Variants in PHC3 observed in about 807,000 individuals in gnomAD.
The protein encoded by PHC3 is polyhomeotic-like protein 3.
PHC3 carries 13 observed loss-of-function variants against 107.4 expected under a neutral mutation model. The observed-to-expected ratio is 0.12, with a 90% CI of 0.08 to 0.19. The LOEUF is 0.19. Among genes scored for constraint, PHC3 ranks in the 10% least tolerant of loss-of-function variants. The pLI is 1.00. For synonymous variants in PHC3, 456 were observed against 427.4 expected, an observed-to-expected ratio of 1.07 and a Z score of -0.83; for missense variants, 992 against 1,210.9, an observed-to-expected ratio of 0.82 and a Z score of 2.68.
intron 10 of PHC3, among the ~76,000 whole-genome samples, chr3:170,115,969 A>C (rs995234947): frequency 4.6e-5 from 7 of 152,106 alleles, no homozygotes; most frequent in Non-Finnish European, 7.4e-5. Context: ...TTCACCCATG[A>C]ATCTGAAAAT....
intron 6 of PHC3, among the ~76,000 whole-genome samples, chr3:170,144,395 G>C (rs915401718): frequency 2.0e-5 from 3 of 150,952 alleles, no homozygotes; most frequent in African/African-American, 7.3e-5. Flanking sequence ...AGCAGCTAAA[G>C]GACATTTGGT....
intron 11 of PHC3, among the ~76,000 whole-genome samples, chr3:170,107,283 C>T (rs1479662418): frequency 2.6e-4 from 39 of 152,070 alleles, no homozygotes; most frequent in Admixed American, 2.6e-3. Flanking sequence ...CATTATCCTC[C>T]AGGAGGAACA....
At position 170,111,368 on chromosome 3, in the gene PHC3, AAAAG is replaced by A. The variant is rs201143465; in HGVS notation, c.2353+1988_2353+1991del. ...AACGGAAAGGAAAGGGAAGGAAGGA[AAAAG>A]AAAGAAAGAGAGAGAAAGAAAGAGG... On this transcript the variant is annotated intron_variant, in intron 11 of 14. Coordinates refer to ENST00000495893, the MANE Select transcript of PHC3 (RefSeq NM_024947.4). 9.0e-3 allele frequency among the ~76,000 whole-genome samples: 1,338 copies of A among 149,072 alleles called. 30 individuals carry two copies. Among genetic ancestry groups the A allele is most frequent in the African/African-American group, 0.031 (1,231 of 40,098 alleles).
chr3:170,117,054 A>G (rs1303806714), intron 10 of PHC3, 172 bp downstream of exon 10: 2 of 848,106 alleles, frequency 2.4e-6, no homozygotes, highest in African/African-American at 3.4e-5. Context: ...CTGGCATAAA[A>G]TTCTACATAA....
chr3:170,136,575 A>G lies in PHC3; in HGVS notation c.763T>C (p.Leu255=), dbSNP rs757466906. 80 of 1,613,570 alleles carry G rather than the reference A, an allele frequency of 5.0e-5. 1 individual carries two copies. The highest frequency in any genetic ancestry group is 3.3e-4 in the Middle Eastern group (2 of 6,084). ...GTTGTTTTGTTATGACAAATTGTCA[A>G]TGACTGAGTTTGACTAGTGCTTTTT... ...PPKSTSQTQS[L]TICHNKTTVT... Residue 255 remains leucine, a synonymous_variant, in exon 7 of 15, where the codon TTG becomes CTG. Coordinates refer to ENST00000495893, the MANE Select transcript of PHC3 (RefSeq NM_024947.4).
intron 2 of PHC3, among the ~76,000 whole-genome samples, chr3:170,173,982 C>A (rs1730014450): frequency 6.6e-6 from 1 of 152,160 alleles, no homozygotes; most frequent in South Asian, 2.1e-4. Flanking sequence ...CACCTGAGGT[C>A]AGGAGTTCAA....
At chr3:170,148,819 A>G in intron 5 of PHC3, 1 of 266,334 alleles carries the variant, frequency 3.8e-6, no homozygotes, top group South Asian at 1.3e-4. Flanking sequence ...AATGAATTTG[A>G]TATTAAAAAA....
chr3:170,116,553 C>T (rs558217034), intron 10 of PHC3, among the ~76,000 whole-genome samples: 87 of 151,796 alleles, frequency 5.7e-4, no homozygotes, highest in Non-Finnish European at 1.0e-3. Context: ...GGTGACAGAG[C>T]GAGACTCTCT....
At chr3:170,112,892 T>G (rs1718110820) in intron 11 of PHC3, among the ~76,000 whole-genome samples, 1 of 152,194 alleles carries the variant, frequency 6.6e-6, no homozygotes, top group African/African-American at 2.4e-5. Context: ...TGTAACCACC[T>G]CTTGAATGAA....
At chr3:170,107,007 T>G in intron 11 of PHC3, 61 bp from the exon 12 acceptor site, 4 of 1,247,762 alleles carry the variant, frequency 3.2e-6, no homozygotes, top group Non-Finnish European at 4.5e-6. Context: ...CAAATTTTCT[T>G]TAAGTCTATA....
intron 10 of PHC3, 142 bp downstream of exon 10, chr3:170,117,084 G>T (rs1719154349): frequency 9.6e-7 from 1 of 1,041,552 alleles, no homozygotes; most frequent in East Asian, 2.6e-5. Context: ...AATAAAGGAA[G>T]TAGAAAGATA....
chr3:170,120,319 C>A (rs1233776766), intron 9 of PHC3, among the ~76,000 whole-genome samples: 1 of 152,158 alleles, frequency 6.6e-6, no homozygotes, highest in African/African-American at 2.4e-5. Flanking sequence ...GGCGCAGTGG[C>A]TCATGTCTGT....
At chr3:170,127,092 T>C (rs985366791) in intron 8 of PHC3, among the ~76,000 whole-genome samples, 7 of 148,506 alleles carry the variant, frequency 4.7e-5, no homozygotes, top group South Asian at 2.1e-4. Flanking sequence ...CCTATACCCC[T>C]GTTTTTGTTA....
chr3:170,173,438 G>A (rs752970091), intron 2 of PHC3, among the ~76,000 whole-genome samples: 3 of 152,082 alleles, frequency 2.0e-5, no homozygotes, highest in Non-Finnish European at 2.9e-5. Flanking sequence ...ATAAAACTTC[G>A]TAGAATTCAG....
At chr3:170,101,538 A>G (rs1715475680) in intron 14 of PHC3, among the ~76,000 whole-genome samples, 2 of 152,222 alleles carry the variant, frequency 1.3e-5, no homozygotes, top group Admixed American at 6.5e-5. Flanking sequence ...AGCTTGTATC[A>G]AGAGAAATGA....
At chr3:170,146,805 T>A (rs1466035253) in intron 5 of PHC3, among the ~76,000 whole-genome samples, 1 of 151,648 alleles carries the variant, frequency 6.6e-6, no homozygotes, top group Non-Finnish European at 1.5e-5. Flanking sequence ...AGTGCTGGGA[T>A]TACAGGCGTG....
Position 170,125,152 on chromosome 3 carries a change from G to A in PHC3, c.1789-2408C>T, listed in dbSNP as rs562931782. Among the ~76,000 whole-genome samples the A allele has an allele frequency of 2.0e-5, 3 of 152,188 alleles. No homozygotes were observed. The South Asian group carries it at 6.2e-4, about 32-fold the overall frequency. ...CCAGTTACACTAAGAGAGATTCTGT[G>A]CCTCATGCCTGAATCTCAGACGTGA... is the stretch of plus-strand genomic sequence containing the variant. On this transcript the variant is annotated intron_variant, in intron 8 of 14. Coordinates refer to ENST00000495893, the MANE Select transcript of PHC3 (RefSeq NM_024947.4).
intron 8 of PHC3, among the ~76,000 whole-genome samples, chr3:170,126,594 T>A (rs1721339418): frequency 6.8e-6 from 1 of 148,010 alleles, no homozygotes; most frequent in African/African-American, 2.5e-5. Flanking sequence ...CAGGCTGGAG[T>A]GCAGTGGTAC....
In PHC3 at chr3:170,090,658, C is replaced by T. The variant is rs1263781609; in HGVS notation, c.*6572G>A. The T allele has an allele frequency of 6.6e-6, 1 of 152,168 alleles. No individual in the cohort carries two copies. The highest frequency in any genetic ancestry group is 2.4e-5 in the African/African-American group (1 of 41,426). The allele number at this position is 152,168 out of a possible 1,614,324, so 9.4% of individuals were successfully genotyped here. A position where few individuals can be genotyped will look rare whatever the true frequency, so the allele number is the denominator to read the frequency against. ...ATAAAGTAGGAATAACCCCATTACA[C>T]AGCCTAGAATCATAGTTTTAGAGCT... On this transcript the variant is annotated 3_prime_UTR_variant, in exon 15 of 15. Transcript: ENST00000495893.
Sources: allele counts gnomAD v4.1 joint callset (sites outside exome capture counted in the v4.1 genomes callset), GRCh38; gene constraint gnomAD v4.1.1; transcripts MANE v1.5; gene names NCBI Gene and HGNC (gene_info 2026-07-23, HGNC 2026-07-21).